BLTP1: variants seen among roughly 807,000 people sequenced by gnomAD.
BLTP1 encodes fragile site-associated protein.
At chr4:122,274,139 A>ATATG in the BLTP1 span, 1 of 154,544 alleles carries the variant, frequency 6.5e-6, no homozygotes, top group Admixed American at 6.6e-5. Context: ...TTGACATTTA[A>ATATG]TATGTATGTA....
chr4:122,180,353 T>C, the BLTP1 span, among the ~76,000 whole-genome samples: 14 of 152,238 alleles, frequency 9.2e-5, no homozygotes, highest in African/African-American at 3.4e-4. Flanking sequence ...ATGTAAATTA[T>C]ATATTTGTTT....
chr4:122,349,782 G>C, the BLTP1 span: 1 of 1,568,844 alleles, frequency 6.4e-7, no homozygotes, highest in Non-Finnish European at 8.6e-7. The surrounding 1 kb of genome is among the most constrained non-coding windows in gnomAD (Gnocchi z 4.5). Flanking sequence ...AGCTGGGCGG[G>C]GGAAGAAAAT....
the BLTP1 span, chr4:122,309,552 A>T: frequency 3.2e-5 from 41 of 1,289,376 alleles, no homozygotes; most frequent in South Asian, 2.5e-4. Flanking sequence ...ATGCTTAGAT[A>T]TAGCAAATGT....
the BLTP1 span, chr4:122,237,925 G>A: frequency 3.1e-6 from 1 of 322,778 alleles, no homozygotes; most frequent in African/African-American, 2.4e-5. Context: ...AGAGGTTGCA[G>A]TGAGCCAAGA....
chr4:122,301,239 A>C, the BLTP1 span: 1 of 1,459,458 alleles, frequency 6.9e-7, no homozygotes, highest in Non-Finnish European at 9.1e-7. Flanking sequence ...TTTTTAATGC[A>C]CAAAATAGTT....
the BLTP1 span, chr4:122,243,951 A>G: frequency 8.1e-6 from 13 of 1,612,220 alleles, no homozygotes; most frequent in East Asian, 2.9e-4. Context: ...GTCCCAGACC[A>G]GGACAACAGC....
chr4:122,177,024 C>T, the BLTP1 span, among the ~76,000 whole-genome samples: 1 of 152,162 alleles, frequency 6.6e-6, no homozygotes, highest in African/African-American at 2.4e-5. Context: ...TAAACCTTTC[C>T]TCAGTCATCA....
the BLTP1 span, chr4:122,267,723 T>C: frequency 2.2e-6 from 1 of 446,770 alleles, no homozygotes; most frequent in Non-Finnish European, 3.0e-6. Context: ...TATTTTATAT[T>C]GTCATGGATG....
At chr4:122,246,532 ATT>A in the BLTP1 span, 13,186 of 1,083,734 alleles carry the variant, frequency 0.012, 263 homozygotes, top group African/African-American at 0.079. Flanking sequence ...AATTATGATT[ATT>A]TTATGAGAAT....
chr4:122,179,169 A>G, the BLTP1 span, among the ~76,000 whole-genome samples: 1 of 152,280 alleles, frequency 6.6e-6, no homozygotes, highest in East Asian at 1.9e-4. Flanking sequence ...AGGCTTAGCT[A>G]CTTGGCCTGA....
the BLTP1 span, among the ~76,000 whole-genome samples, chr4:122,231,167 A>G: frequency 1.3e-5 from 2 of 152,098 alleles, no homozygotes; most frequent in South Asian, 2.1e-4. Flanking sequence ...TCCTTTAGAT[A>G]ATTTCCTGGA....
At chr4:122,200,262 A>G in the BLTP1 span, 4 of 985,328 alleles carry the variant, frequency 4.1e-6, no homozygotes, top group Non-Finnish European at 4.8e-6. Flanking sequence ...CTTCCTAGGT[A>G]GGCAGCTTTT....
chr4:122,350,752 G>C, the BLTP1 span, among the ~76,000 whole-genome samples: 1 of 152,132 alleles, frequency 6.6e-6, no homozygotes, highest in Admixed American at 6.6e-5. Flanking sequence ...CTAAGATGTG[G>C]GGGAAGAGAG....
chr4:122,267,382 A>C, the BLTP1 span, among the ~76,000 whole-genome samples: 1 of 152,116 alleles, frequency 6.6e-6, no homozygotes, highest in Non-Finnish European at 1.5e-5. Flanking sequence ...TAATATGTTA[A>C]TCAGAAGATA....
the BLTP1 span, chr4:122,175,233 C>T: frequency 1.0e-6 from 1 of 984,764 alleles, no homozygotes; most frequent in Non-Finnish European, 1.2e-6. Context: ...TTTGGCAGTG[C>T]TCACACCTCA....
At chr4:122,247,758 CAG>C in the BLTP1 span, 35 of 1,008,260 alleles carry the variant, frequency 3.5e-5, no homozygotes, top group Non-Finnish European at 4.2e-5. Flanking sequence ...TAATCAAAAC[CAG>C]AGAGTCTGTA....
the BLTP1 span, chr4:122,230,281 A>T: frequency 7.9e-7 from 1 of 1,270,930 alleles, no homozygotes; most frequent in South Asian, 1.3e-5. Context: ...TTGTAGAGGA[A>T]ATTCTACTGA....
the BLTP1 span, chr4:122,343,622 A>G: frequency 6.2e-7 from 1 of 1,611,970 alleles, no homozygotes; most frequent in Non-Finnish European, 8.5e-7. Flanking sequence ...TATACTTTGC[A>G]TGTTTATGTC....
At chr4:122,349,366 CA>C in the BLTP1 span, 120 of 1,559,710 alleles carry the variant, frequency 7.7e-5, no homozygotes, top group South Asian at 2.8e-4. The surrounding 1 kb of genome is among the most constrained non-coding windows in gnomAD (Gnocchi z 4.5). Context: ...ATATATATAT[CA>C]AAAAAAATGC....
Sources: allele counts gnomAD v4.1 joint callset (sites outside exome capture counted in the v4.1 genomes callset), GRCh38; gene constraint gnomAD v4.1.1; non-coding constraint Gnocchi (gnomAD v3.1); transcripts MANE v1.5; gene names NCBI Gene and HGNC (gene_info 2026-07-23, HGNC 2026-07-21).